Variants in FAM13A observed in about 807,000 individuals in gnomAD.
FAM13A encodes family with sequence similarity 13 member A.
In FAM13A, 76 loss-of-function variants were observed where a neutral mutation model predicts 129.6. The ratio of observed to expected loss-of-function variants is 0.59; its 90% CI spans 0.49 to 0.71. FAM13A has a LOEUF of 0.71. Among genes scored for constraint, FAM13A ranks in the 30% least tolerant of loss-of-function variants. The pLI, the probability that FAM13A is intolerant of heterozygous loss-of-function variation, is 0.00. For synonymous variants in FAM13A, 443 were observed against 449.9 expected (o/e 0.98, Z 0.20); for missense variants, 1,108 against 1,249.3 (o/e 0.89, Z 1.70).
At chr4:88,801,650 T>C (rs1029625017) in intron 8 of FAM13A, among the ~76,000 whole-genome samples, 5 of 152,202 alleles carry the variant, frequency 3.3e-5, no homozygotes, top group African/African-American at 1.2e-4. Context: ...AACTGGTCTA[T>C]AGCCCCTGAA....
chr4:88,821,047 T>C (rs113414575), intron 7 of FAM13A, among the ~76,000 whole-genome samples: 2 of 152,266 alleles, frequency 1.3e-5, no homozygotes, highest in African/African-American at 4.8e-5. Flanking sequence ...GAGTCCGCAA[T>C]AGTCATCATT....
chr4:88,866,123 C>T (rs1740393777), intron 6 of FAM13A, among the ~76,000 whole-genome samples: 1 of 151,804 alleles, frequency 6.6e-6, no homozygotes. Flanking sequence ...TCTTGGCTTA[C>T]TGAAACCTCT....
At chr4:88,823,246 T>C (rs776114113) in intron 7 of FAM13A, 18 of 1,305,738 alleles carry the variant, frequency 1.4e-5, no homozygotes, top group Non-Finnish European at 1.7e-5. Flanking sequence ...GCAGTCCACT[T>C]TGACCTTTTG....
chr4:88,767,099 G>T (rs1745834533), intron 13 of FAM13A, among the ~76,000 whole-genome samples: 1 of 152,124 alleles, frequency 6.6e-6, no homozygotes, highest in Non-Finnish European at 1.5e-5. Context: ...CTTCTCCAAT[G>T]TTTATTTAAG....
At chr4:88,965,376 C>T (rs1759216270) in intron 4 of FAM13A, among the ~76,000 whole-genome samples, 1 of 152,152 alleles carries the variant, frequency 6.6e-6, no homozygotes, top group Non-Finnish European at 1.5e-5. Context: ...CTCAATTAAA[C>T]AAAATGTTCT....
At chr4:89,007,566 G>T (rs1396595366) in intron 3 of FAM13A, among the ~76,000 whole-genome samples, 1 of 152,090 alleles carries the variant, frequency 6.6e-6, no homozygotes, top group African/African-American at 2.4e-5. Flanking sequence ...AACCACACTT[G>T]AATTCTCGAC....
At chr4:88,757,685 C>T (rs1743956074) in intron 14 of FAM13A, among the ~76,000 whole-genome samples, 1 of 152,130 alleles carries the variant, frequency 6.6e-6, no homozygotes, top group Non-Finnish European at 1.5e-5. Flanking sequence ...CTTTCAAGGA[C>T]AGAACTAGAA....
rs773733799 is a variant in FAM13A, at chr4:88,731,394, C to T, written c.2878G>A (p.Glu960Lys). ...ELLEHLQEMR[E>K]EKKRIRKKLR... ...TTCTTTCGAATCCTTTTCTTTTCTTCTCTCATTTCCTGGAGGTGTTCCAGG... is the reference window on the plus strand; with the variant it reads ...TTCTTTCGAATCCTTTTCTTTTCTTTTCTCATTTCCTGGAGGTGTTCCAGG... Residue 960 changes from glutamate to lysine, a missense_variant, in exon 23 of 24, where the codon GAA becomes AAA. Physicochemically the swap from Glu to Lys is moderately conservative, Grantham distance 56. Around this residue, in one of 3 missense-constraint regions of FAM13A, gnomAD observed 529 missense variants for 621.2 expected, o/e 0.85. Transcript: ENST00000264344. The T allele has an allele frequency of 7.5e-6, 12 of 1,605,622 alleles. No individual in the cohort carries two copies. In the East Asian group the frequency reaches 2.7e-4, roughly 36 times the overall value.
intron 5 of FAM13A, among the ~76,000 whole-genome samples, chr4:88,912,389 A>G (rs1280875433): frequency 6.6e-6 from 1 of 151,990 alleles, no homozygotes; most frequent in Non-Finnish European, 1.5e-5. Context: ...CAGCCTTTGG[A>G]CTTTGGACTT....
intron 6 of FAM13A, among the ~76,000 whole-genome samples, chr4:88,860,881 T>A (rs564981718): frequency 2.7e-4 from 41 of 152,330 alleles, no homozygotes; most frequent in African/African-American, 9.6e-4. Flanking sequence ...GACAAGGCCA[T>A]GAGGCATTAC....
chr4:88,863,334 AT>A (rs1354354849), intron 6 of FAM13A, among the ~76,000 whole-genome samples: 2 of 80,478 alleles, frequency 2.5e-5, no homozygotes, highest in Non-Finnish European at 4.9e-5. Context: ...TGGTGAATAC[AT>A]GGAGGTGCTG....
intron 3 of FAM13A, among the ~76,000 whole-genome samples, chr4:88,998,110 GT>G (rs1220483837): frequency 2.0e-5 from 3 of 152,162 alleles, no homozygotes; most frequent in Non-Finnish European, 4.4e-5. Flanking sequence ...ACCCAGAACA[GT>G]CATACAGGAG....
intron 1 of FAM13A, among the ~76,000 whole-genome samples, chr4:89,036,443 A>G (rs1769397618): frequency 6.6e-6 from 1 of 152,218 alleles, no homozygotes; most frequent in Non-Finnish European, 1.5e-5. Flanking sequence ...CATATGCATG[A>G]GCAAAGAGAT....
chr4:88,951,779 C>T lies in FAM13A; in HGVS notation c.606-13538G>A, dbSNP rs558010240. Among the ~76,000 whole-genome samples the T allele has an allele frequency of 2.6e-4, 40 of 152,262 alleles. 1 individual carries two copies. The South Asian group carries it at 3.1e-3, about 12-fold the overall frequency. ...ATTCTCAAAGAATTTGTTTAACCTT[C>T]GATCACAGCATTTATTAGAGTCTCT... is the stretch of plus-strand genomic sequence containing the variant. On this transcript the variant is annotated intron_variant, in intron 4 of 23. Coordinates refer to ENST00000264344, the MANE Select transcript of FAM13A (RefSeq NM_014883.4).
chr4:89,010,711 T>C (rs1439187512), intron 3 of FAM13A, among the ~76,000 whole-genome samples: 4 of 152,172 alleles, frequency 2.6e-5, no homozygotes, highest in Non-Finnish European at 4.4e-5. Flanking sequence ...AACCATCTGA[T>C]AAACTGGCCC....
intron 21 of FAM13A, among the ~76,000 whole-genome samples, chr4:88,735,128 G>A (rs1345670732): frequency 6.6e-6 from 1 of 152,160 alleles, no homozygotes; most frequent in Non-Finnish European, 1.5e-5. Flanking sequence ...GTGGGAGTGG[G>A]CAGGGCAGGT....
At chr4:89,041,446 C>A (rs1422552649) in intron 1 of FAM13A, among the ~76,000 whole-genome samples, 1 of 152,068 alleles carries the variant, frequency 6.6e-6, no homozygotes, top group African/African-American at 2.4e-5. Flanking sequence ...AAAAATCAGA[C>A]CTGGATGATG....
chr4:88,920,581 T>C (rs903163338), intron 5 of FAM13A, among the ~76,000 whole-genome samples: 1 of 151,792 alleles, frequency 6.6e-6, no homozygotes, highest in Non-Finnish European at 1.5e-5. Flanking sequence ...CAAAAGTAGA[T>C]AAAACCACAA....
At chr4:88,798,528 T>C (rs771467120) in intron 8 of FAM13A, among the ~76,000 whole-genome samples, 7 of 152,190 alleles carry the variant, frequency 4.6e-5, no homozygotes, top group South Asian at 4.1e-4. Flanking sequence ...ATTAGTGCAA[T>C]AGACAGCAGA....
Sources: allele counts gnomAD v4.1 joint callset (sites outside exome capture counted in the v4.1 genomes callset), GRCh38; gene constraint gnomAD v4.1.1; regional missense constraint gnomAD v4.1.1; transcripts MANE v1.5; gene names NCBI Gene and HGNC (gene_info 2026-07-23, HGNC 2026-07-21).